Variants in PHKB observed in about 807,000 individuals in gnomAD.
PHKB encodes the protein phosphorylase kinase regulatory subunit beta.
PHKB carries 122 observed loss-of-function variants against 152.1 expected under a neutral mutation model. The ratio of observed to expected loss-of-function variants is 0.80; its 90% CI spans 0.69 to 0.93. PHKB has a LOEUF of 0.93. Ranked by LOEUF, PHKB falls within the 40% of genes least tolerant of loss-of-function variation. The probability of loss-of-function intolerance (pLI) is 0.00; values close to 1 mark genes in which losing one functional copy is unlikely to be tolerated. For missense variants in PHKB, 1,304 were observed against 1,328.4 expected (o/e 0.98, Z 0.29); for synonymous variants, 436 against 464.9 (o/e 0.94, Z 0.80).
chr16:47,616,826 A>T (rs1415411217), intron 14 of PHKB, among the ~76,000 whole-genome samples: 1 of 151,832 alleles, frequency 6.6e-6, no homozygotes, highest in African/African-American at 2.4e-5. Context: ...AGAGCCTTGA[A>T]CAGAGATTTA....
At chr16:47,573,401 G>A (rs1971695625) in intron 7 of PHKB, among the ~76,000 whole-genome samples, 1 of 152,140 alleles carries the variant, frequency 6.6e-6, no homozygotes. Context: ...GTGGCGATCC[G>A]AGGGCAGTTC....
At chr16:47,596,899 C>A (rs1972130161) in intron 13 of PHKB, among the ~76,000 whole-genome samples, 2 of 152,088 alleles carry the variant, frequency 1.3e-5, no homozygotes, top group Admixed American at 6.5e-5. Context: ...CTTTAGTAGA[C>A]CACTTGCCAA....
At chr16:47,470,730 A>C (rs1969751667) in intron 1 of PHKB, among the ~76,000 whole-genome samples, 1 of 152,224 alleles carries the variant, frequency 6.6e-6, no homozygotes, top group Non-Finnish European at 1.5e-5. Flanking sequence ...CTAGTACTCC[A>C]TAAATAAACA....
At chr16:47,588,436 A>T (rs1971971400) in intron 9 of PHKB, among the ~76,000 whole-genome samples, 1 of 152,060 alleles carries the variant, frequency 6.6e-6, no homozygotes, top group Non-Finnish European at 1.5e-5. Context: ...TTTTTATTTT[A>T]CAAAGCTATA....
chr16:47,620,432 C>T (rs997764104), intron 14 of PHKB, among the ~76,000 whole-genome samples: 2 of 152,078 alleles, frequency 1.3e-5, no homozygotes, highest in Admixed American at 1.3e-4. Context: ...TTGAGGTGCC[C>T]AGTAGTTAAT....
rs747104285 is a variant in PHKB, at chr16:47,663,671, G to A, written c.2279-6G>A. 1 of 1,611,674 alleles carries A rather than the reference G, an allele frequency of 6.2e-7. No homozygotes were observed. Among genetic ancestry groups the A allele is most frequent in the Admixed American group, 1.7e-5 (1 of 59,962 alleles). On this transcript the variant is annotated splice_region_variant and splice_polypyrimidine_tract_variant and intron_variant, in intron 23 of 30. Transcript: ENST00000323584. ...TTCAACAAAGACTCTATTATCCAAT[G>A]TCTAGGTACCGTTTCTGATCACATT...
chr16:47,614,010 T>C (rs918088792), intron 14 of PHKB, among the ~76,000 whole-genome samples: 2 of 152,318 alleles, frequency 1.3e-5, no homozygotes, highest in East Asian at 3.9e-4. Context: ...AAAAGAGGTT[T>C]AATTGGCTCA....
At chr16:47,548,337 G>A (rs757017454) in intron 7 of PHKB, among the ~76,000 whole-genome samples, 23 of 152,288 alleles carry the variant, frequency 1.5e-4, no homozygotes, top group Middle Eastern at 3.4e-3. Flanking sequence ...GGCTGGGCAC[G>A]GTGGCTCACG....
chr16:47,602,384 T>G (rs1013636093), intron 13 of PHKB, among the ~76,000 whole-genome samples: 1 of 152,168 alleles, frequency 6.6e-6, no homozygotes, highest in Non-Finnish European at 1.5e-5. Context: ...CCAAAGTTCT[T>G]TGGTAAGTGA....
At chr16:47,527,485 A>T (rs1396965253) in intron 6 of PHKB, among the ~76,000 whole-genome samples, 1 of 152,196 alleles carries the variant, frequency 6.6e-6, no homozygotes, top group Non-Finnish European at 1.5e-5. Flanking sequence ...ATTCACAATG[A>T]AAAGGAGAAC....
At chr16:47,495,378 A>G (rs1158738921) in intron 1 of PHKB, among the ~76,000 whole-genome samples, 1 of 152,140 alleles carries the variant, frequency 6.6e-6, no homozygotes, top group Non-Finnish European at 1.5e-5. Flanking sequence ...TGCATATTCT[A>G]TATCCATATG....
chr16:47,635,855 G>C (rs1184339644), intron 14 of PHKB, among the ~76,000 whole-genome samples: 2 of 152,218 alleles, frequency 1.3e-5, no homozygotes, highest in African/African-American at 4.8e-5. Flanking sequence ...TGGGATAATA[G>C]TTTGATAAAG....
In PHKB at chr16:47,698,475, G is replaced by C; in HGVS notation, c.3031G>C (p.Glu1011Gln). ...ELLMVVSIVL[E>Q]RNPELEFQDK... ...ACTTATGGTTGTATCCATTGTACTG[G>C]AAAGAAACCCCGAGCTAGAATTTCA... The change falls in exon 30 of 31, where the codon GAA (glutamate) becomes CAA (glutamine). Residue 1011 changes from glutamate to glutamine, a missense_variant. Physicochemically the swap from Glu to Gln is conservative, Grantham distance 29 (BLOSUM62 2). Transcript: ENST00000323584. 3.1e-6 allele frequency: 5 copies of C among 1,611,644 alleles called. No individual in the cohort carries two copies. Among genetic ancestry groups the C allele is most frequent in the Non-Finnish European group, 3.4e-6 (4 of 1,177,956 alleles).
At chr16:47,516,312 T>C (rs1157632209) in intron 6 of PHKB, among the ~76,000 whole-genome samples, 1 of 152,218 alleles carries the variant, frequency 6.6e-6, no homozygotes, top group Non-Finnish European at 1.5e-5. Context: ...TTATTTTTAT[T>C]TGTAGGATCT....
intron 20 of PHKB, among the ~76,000 whole-genome samples, chr16:47,651,640 G>A (rs1478742220): frequency 1.3e-5 from 2 of 152,064 alleles, no homozygotes; most frequent in African/African-American, 4.8e-5. Flanking sequence ...TATTATATAG[G>A]CTTATATACT....
chr16:47,679,085 A>G (rs1297480604), intron 26 of PHKB, among the ~76,000 whole-genome samples: 2 of 152,040 alleles, frequency 1.3e-5, no homozygotes, highest in South Asian at 4.2e-4. Context: ...GGTTGTAGAT[A>G]TGTGGCATTA....
chr16:47,691,008 C>T (rs1974050380), intron 27 of PHKB, among the ~76,000 whole-genome samples: 1 of 152,074 alleles, frequency 6.6e-6, no homozygotes, highest in Non-Finnish European at 1.5e-5. Context: ...TCCTTTGAGT[C>T]CACGAGTTTG....
At chr16:47,516,292 T>C (rs1189440412) in intron 6 of PHKB, among the ~76,000 whole-genome samples, 1 of 152,200 alleles carries the variant, frequency 6.6e-6, no homozygotes, top group Non-Finnish European at 1.5e-5. Flanking sequence ...GAAACTTTTA[T>C]CCTGTTATAT....
chr16:47,506,541 G>A (rs1037862540), intron 4 of PHKB, among the ~76,000 whole-genome samples: 9 of 152,166 alleles, frequency 5.9e-5, no homozygotes, highest in Non-Finnish European at 1.0e-4. Flanking sequence ...AGTGTGAGAT[G>A]TTATTGTTTG....
Sources: gnomAD v4.1 joint callset for allele counts (sites outside exome capture counted in the v4.1 genomes callset) on GRCh38, gnomAD v4.1.1 for gene constraint, MANE v1.5 for transcripts, NCBI Gene and HGNC (gene_info 2026-07-23, HGNC 2026-07-21) for gene names.